Variants in RIMBP2 observed in about 807,000 individuals in gnomAD.
RIMBP2 encodes the protein RIMS binding protein 2.
In RIMBP2, 48 loss-of-function variants were observed where a neutral mutation model predicts 118.6. The observed-to-expected ratio is 0.40, with a 90% CI of 0.32 to 0.51. The LOEUF is 0.51. RIMBP2 is among the 20% of genes least tolerant of loss of function. RIMBP2 has a pLI of 0.41. For missense variants in RIMBP2, 1,551 were observed against 1,768.3 expected (o/e 0.88, Z 2.20); for synonymous variants, 762 against 742.9 (o/e 1.03, Z -0.42).
intron 19 of RIMBP2, among the ~76,000 whole-genome samples, chr12:130,410,970 G>A (rs1225994372): frequency 6.6e-6 from 1 of 152,126 alleles, no homozygotes; most frequent in African/African-American, 2.4e-5. Context: ...CCAATATTAA[G>A]TCCATGAATA....
At chr12:130,680,229 G>A (rs2064712711) in intron 1 of RIMBP2, among the ~76,000 whole-genome samples, 2 of 152,226 alleles carry the variant, frequency 1.3e-5, no homozygotes, top group South Asian at 4.1e-4. Context: ...CATACCCTGC[G>A]ACCCTACAGA....
At chr12:130,537,763 A>G (rs756491863) in intron 2 of RIMBP2, among the ~76,000 whole-genome samples, 10 of 152,190 alleles carry the variant, frequency 6.6e-5, no homozygotes, top group Non-Finnish European at 1.0e-4. Flanking sequence ...ACAGCAATAC[A>G]TCCTGATTGC....
intron 1 of RIMBP2, among the ~76,000 whole-genome samples, chr12:130,672,219 A>G (rs544312846): frequency 6.6e-6 from 1 of 152,182 alleles, no homozygotes; most frequent in Non-Finnish European, 1.5e-5. Context: ...CTCTAATTCT[A>G]AGGAAATTTC....
At chr12:130,515,575 C>T (rs2139014815) in intron 3 of RIMBP2, among the ~76,000 whole-genome samples, 1 of 152,290 alleles carries the variant, frequency 6.6e-6, no homozygotes, top group African/African-American at 2.4e-5. Context: ...CAGTAATATT[C>T]CATTGGACAC....
Position 130,424,789 on chromosome 12 carries a change from T to C in RIMBP2, c.2482A>G (p.Arg828Gly), listed in dbSNP as rs28584714. ...TCGGGGATACTGAAAAGTCTCTTCCTGTGGGGCTGGTGGGGAAACTCGGGC... is the reference window on the plus strand; with the variant it reads ...TCGGGGATACTGAAAAGTCTCTTCCCGTGGGGCTGGTGGGGAAACTCGGGC... ...EQPEFPHQPH[R>G]KRLFSIPEVA... is the part of the protein sequence containing the mutation. The change falls in exon 16 of 23, where the codon AGG (arginine) becomes GGG (glycine). Residue 828 changes from arginine (R) to glycine (G), a missense_variant. Arg to Gly is a moderately radical substitution (Grantham distance 125, BLOSUM62 -2). This residue lies in a region of RIMBP2 where 1,038 missense variants were observed against 1,125.1 expected (regional missense o/e 0.92). Coordinates refer to ENST00000690449, the MANE Select transcript of RIMBP2 (RefSeq NM_001393629.1). The surrounding 1 kb of genome is among the most constrained non-coding windows in gnomAD (Gnocchi z 9.8). The C allele has an allele frequency of 3.2e-3, 3,906 of 1,232,876 alleles. 92 individuals carry two copies. The African/African-American group carries it at 0.053, about 17-fold the overall frequency. 76.4% of individuals were successfully genotyped at this position (1,232,876 alleles called of 1,614,324 possible). A position where few individuals can be genotyped will look rare whatever the true frequency, so the allele number is the denominator to read the frequency against.
rs973441955 is a variant in RIMBP2 at position 130,442,856 on chromosome 12, C to T, written c.692-196G>A. 1.3e-5 allele frequency among the ~76,000 whole-genome samples: 2 copies of T among 152,214 alleles called. No individual in the cohort carries two copies. The highest frequency in any genetic ancestry group is 6.5e-5 in the Admixed American group (1 of 15,282). ...TCTAAAGAGCCAGCTCCTCCATCCC[C>T]GTGGCCCAGTCTTCTTTTCTCCATG... On this transcript the variant is annotated intron_variant, in intron 10 of 22. Transcript: ENST00000690449. This position sits in a 1 kb window ranked among gnomAD's most constrained non-coding sequence, Gnocchi z 6.9.
At chr12:130,474,578 C>G (rs1213276556) in intron 5 of RIMBP2, among the ~76,000 whole-genome samples, 1 of 152,216 alleles carries the variant, frequency 6.6e-6, no homozygotes, top group African/African-American at 2.4e-5. Flanking sequence ...GCGACATGCC[C>G]TCTGTCTGGG....
intron 3 of RIMBP2, among the ~76,000 whole-genome samples, chr12:130,517,216 G>C: frequency 6.6e-6 from 1 of 152,072 alleles, no homozygotes; most frequent in East Asian, 1.9e-4. Flanking sequence ...ATAAGAAGAG[G>C]AAGAGAGCCC....
At position 130,431,883 on chromosome 12, in the gene RIMBP2, T is replaced by C. The variant is rs1267693503; in HGVS notation, c.2253+2851A>G. ...GTCATCCAGAGCTGGGCGTCAGCAC[T>C]GGTGGCCACCAGCCACGTGTGGCTG... On this transcript the variant is annotated intron_variant, in intron 14 of 22. Coordinates refer to ENST00000690449, the MANE Select transcript of RIMBP2 (RefSeq NM_001393629.1). The surrounding 1 kb of genome is among the most constrained non-coding windows in gnomAD (Gnocchi z 4.0). The C allele has an allele frequency of 1.3e-5, 2 of 158,284 alleles. No homozygotes were observed. Among genetic ancestry groups the C allele is most frequent in the African/African-American group, 4.8e-5 (2 of 41,528 alleles). The allele number at this position is 158,284 out of a possible 1,614,324, so 9.8% of individuals were successfully genotyped here.
At position 130,676,332 on chromosome 12, in the gene RIMBP2, A is replaced by C. The variant is rs1218191612; in HGVS notation, c.-352+39890T>G. ...TGGAGGATGGATTAAAAAAAAAAAA[A>C]AAAAAACGGGGGCCAGGCACGGTTG... is the stretch of plus-strand genomic sequence containing the variant. On this transcript the variant is annotated intron_variant, in intron 1 of 22. Coordinates refer to ENST00000690449, the MANE Select transcript of RIMBP2 (RefSeq NM_001393629.1). Among the ~76,000 whole-genome samples, 9 of 152,116 alleles carry C rather than the reference A, an allele frequency of 5.9e-5. No homozygotes were observed. In the East Asian group the frequency reaches 1.7e-3, roughly 29 times the overall value.
rs1566071895 is a variant in RIMBP2, at chr12:130,456,623, C to T, written c.231G>A (p.Lys77=). 1 of 1,613,714 alleles carries T rather than the reference C, an allele frequency of 6.2e-7. No individual in the cohort carries two copies. The change falls in exon 7 of 23, where the codon AAG becomes AAA. Residue 77 remains lysine (K), a synonymous_variant. Transcript: ENST00000690449. Reference sequence around the variant, plus strand: ...CAATCTTGCCAGCGTGCTGCCGGAACTTCTCCAGGTCCCGGGACAGCAGGT... The same window carrying T: ...CAATCTTGCCAGCGTGCTGCCGGAATTTCTCCAGGTCCCGGGACAGCAGGT... ...QFNLLSRDLE[K]FRQHAGKIDL...
rs745647084 is a variant in RIMBP2, at chr12:130,437,000, G to A, written c.1948C>T (p.Pro650Ser). Residue 650 changes from proline to serine, a missense_variant, in exon 13 of 23, where the codon CCT becomes TCT. Coordinates refer to ENST00000690449, the MANE Select transcript of RIMBP2 (RefSeq NM_001393629.1). ...GGCTCCAGCATGTGCCCATGCACAGGGCCAGGTGCACGGCTCTGCTCCCAG... is the reference window on the plus strand; with the variant it reads ...GGCTCCAGCATGTGCCCATGCACAGAGCCAGGTGCACGGCTCTGCTCCCAG... The part of the protein sequence containing the change: ...EAWEQSRAPG[P>S]VHGHMLEPPV... The A allele has an allele frequency of 1.9e-5, 31 of 1,606,270 alleles. No homozygotes were observed. The highest frequency in any genetic ancestry group is 4.0e-5 in the African/African-American group (3 of 74,780).
At chr12:130,569,562 G>C (rs2057478630) in intron 2 of RIMBP2, among the ~76,000 whole-genome samples, 1 of 152,220 alleles carries the variant, frequency 6.6e-6, no homozygotes, top group African/African-American at 2.4e-5. Flanking sequence ...CAAGCCCCAG[G>C]GTTGCAGGTG....
intron 2 of RIMBP2, among the ~76,000 whole-genome samples, chr12:130,544,368 T>C (rs769687613): frequency 7.2e-5 from 11 of 152,184 alleles, no homozygotes; most frequent in Non-Finnish European, 1.3e-4. Context: ...GGTCAGCTGG[T>C]CCAGGGTCCC....
intron 14 of RIMBP2, among the ~76,000 whole-genome samples, chr12:130,433,049 ACT>A (rs752462857): frequency 1.3e-5 from 2 of 151,492 alleles, no homozygotes; most frequent in Non-Finnish European, 2.9e-5. Flanking sequence ...GAAAACCCAC[ACT>A]CTTGCTAAAC....
chr12:130,595,432 C>T (rs2140361576), intron 2 of RIMBP2, among the ~76,000 whole-genome samples: 1 of 152,232 alleles, frequency 6.6e-6, no homozygotes, highest in East Asian at 1.9e-4. Context: ...GTGGCGGGCG[C>T]CTGTAGTCCC....
At position 130,613,218 on chromosome 12, in the gene RIMBP2, C is replaced by T. The variant is rs138953595; in HGVS notation, c.-217+15104G>A. On this transcript the variant is annotated intron_variant, in intron 2 of 22. Coordinates refer to ENST00000690449, the MANE Select transcript of RIMBP2 (RefSeq NM_001393629.1). ...GAGGGAGAGTTGACAGCAGTGCTGGCGGGTTGCCGGGGCCAACAAGGCAGG... is the reference window on the plus strand; with the variant it reads ...GAGGGAGAGTTGACAGCAGTGCTGGTGGGTTGCCGGGGCCAACAAGGCAGG... 1.4e-4 allele frequency among the ~76,000 whole-genome samples: 21 copies of T among 152,350 alleles called. No individual in the cohort carries two copies. In the East Asian group the frequency reaches 3.5e-3, roughly 25 times the overall value.
chr12:130,611,557 G>C (rs916764875), intron 2 of RIMBP2, among the ~76,000 whole-genome samples: 7 of 152,190 alleles, frequency 4.6e-5, no homozygotes, highest in Non-Finnish European at 8.8e-5. Flanking sequence ...TGCTGGCGGC[G>C]ACGCGTCTCC....
At chr12:130,584,961 G>C (rs1472298645) in intron 2 of RIMBP2, among the ~76,000 whole-genome samples, 1 of 152,016 alleles carries the variant, frequency 6.6e-6, no homozygotes, top group Non-Finnish European at 1.5e-5. Flanking sequence ...CATGATCATA[G>C]CTCACTGCAG....
Sources: allele counts gnomAD v4.1 joint callset (sites outside exome capture counted in the v4.1 genomes callset), GRCh38; gene constraint gnomAD v4.1.1; regional missense constraint gnomAD v4.1.1; non-coding constraint Gnocchi (gnomAD v3.1); transcripts MANE v1.5; gene names NCBI Gene and HGNC (gene_info 2026-07-23, HGNC 2026-07-21).